Variants in PLEK2 observed in about 807,000 individuals in gnomAD.
PLEK2 encodes pleckstrin 2, also known as pleckstrin-2.
A neutral mutation model predicts 43.8 loss-of-function variants in PLEK2; 29 were observed. The ratio of observed to expected loss-of-function variants is 0.66; its 90% CI spans 0.49 to 0.90. The LOEUF (loss-of-function observed/expected upper bound fraction) is 0.90, where lower values mean the gene tolerates loss of function less well. PLEK2 is among the 40% of genes least tolerant of loss of function. The pLI, the probability that PLEK2 is intolerant of heterozygous loss-of-function variation, is 0.00. For synonymous variants in PLEK2, 162 were observed against 173.2 expected (o/e 0.94, Z 0.51); for missense variants, 398 against 448.1 (o/e 0.89, Z 1.01).
At chr14:67,389,760 T>A (rs1264311751) in intron 7 of PLEK2, among the ~76,000 whole-genome samples, 1 of 150,706 alleles carries the variant, frequency 6.6e-6, no homozygotes, top group Non-Finnish European at 1.5e-5. Context: ...AATACAAAAC[T>A]AAAGTGTTTT....
chr14:67,405,820 A>C (rs973664232), intron 1 of PLEK2, among the ~76,000 whole-genome samples: 1 of 152,208 alleles, frequency 6.6e-6, no homozygotes, highest in Non-Finnish European at 1.5e-5. Context: ...AGGTGAGCTC[A>C]GAATTGGACC....
chr14:67,393,074 G>T lies in PLEK2; in HGVS notation c.481+76C>A. The T allele has an allele frequency of 3.4e-6, 4 of 1,190,168 alleles. No homozygotes were observed. In the African/African-American group the frequency reaches 6.0e-5, roughly 18 times the overall value. The allele number at this position is 1,190,168 out of a possible 1,614,324, so 73.7% of individuals were successfully genotyped here. ...GCAGCTCTGACCTCAATACAGGGCG[G>T]TCAAGCACACAGCTGAGCCCTGCAT... On this transcript the variant is annotated intron_variant, in intron 4 of 8. Transcript: ENST00000216446.
At position 67,397,731 on chromosome 14, in the gene PLEK2, AGGGGTCAC is replaced by A. The variant is rs761148745; in HGVS notation, c.130_137del (p.Val44SerfsTer20). On this transcript the variant is annotated frameshift_variant, in exon 2 of 9. Transcript: ENST00000216446. LOFTEE classifies it high-confidence loss of function. ...CATCCAGGAGGATCCGGCCCTTGGG[AGGGGTCAC>A]TCTCCGACCCCCCTCAAGCTTGTAG... 13 of 1,613,126 alleles carry A rather than the reference AGGGGTCAC, an allele frequency of 8.1e-6. No individual in the cohort carries two copies. The highest frequency in any genetic ancestry group is 8.5e-6 in the Non-Finnish European group (10 of 1,179,614).
intron 3 of PLEK2, 45 bp downstream of exon 3, chr14:67,395,357 C>T: frequency 6.4e-7 from 1 of 1,571,600 alleles, no homozygotes; most frequent in Non-Finnish European, 8.7e-7. Context: ...CCACCCAACA[C>T]AGGCAGGAGA....
intron 1 of PLEK2, 60 bp from the exon 2 acceptor site, chr14:67,397,886 G>C: frequency 7.1e-7 from 1 of 1,416,594 alleles, no homozygotes; most frequent in East Asian, 2.4e-5. Context: ...TGGTGTTCAG[G>C]GAGGGGGTGT....
At chr14:67,399,046 G>A (rs1346101302) in intron 1 of PLEK2, among the ~76,000 whole-genome samples, 1 of 152,218 alleles carries the variant, frequency 6.6e-6, no homozygotes, top group African/African-American at 2.4e-5. Context: ...ACCTGCATCT[G>A]CTTTTTTTCC....
chr14:67,401,131 T>A (rs1185540230), intron 1 of PLEK2, among the ~76,000 whole-genome samples: 1 of 152,024 alleles, frequency 6.6e-6, no homozygotes, highest in African/African-American at 2.4e-5. Flanking sequence ...AAAGAGGGAA[T>A]TAAATTAAAA....
At chr14:67,409,611 C>T (rs2086103717) in intron 1 of PLEK2, among the ~76,000 whole-genome samples, 1 of 152,168 alleles carries the variant, frequency 6.6e-6, no homozygotes, top group Admixed American at 6.5e-5. Flanking sequence ...ACTCCCCTGA[C>T]AGCCAGGCCC....
chr14:67,392,015 G>T (rs936517158), intron 6 of PLEK2, among the ~76,000 whole-genome samples: 1 of 152,204 alleles, frequency 6.6e-6, no homozygotes, highest in Non-Finnish European at 1.5e-5. Context: ...GTCAGCAAAA[G>T]CTTCCAAGAC....
intron 5 of PLEK2, 91 bp downstream of exon 5, chr14:67,392,568 TCTC>T: frequency 7.8e-7 from 1 of 1,284,256 alleles, no homozygotes; most frequent in South Asian, 1.3e-5. Flanking sequence ...AAGCCCAAGG[TCTC>T]CTCCCATGAC....
intron 1 of PLEK2, among the ~76,000 whole-genome samples, chr14:67,406,868 A>G (rs1243239261): frequency 6.6e-6 from 1 of 152,216 alleles, no homozygotes; most frequent in African/African-American, 2.4e-5. Context: ...ATGCTGAAGA[A>G]GAACCCAGGC....
In PLEK2 at chr14:67,397,747, C is replaced by T; in HGVS notation, c.122G>A (p.Gly41Asp). 6.2e-7 allele frequency: 1 copy of T among 1,612,948 alleles called. No homozygotes were observed. Among genetic ancestry groups the T allele is most frequent in the Non-Finnish European group, 8.5e-7 (1 of 1,179,320 alleles). The change falls in exon 2 of 9, where the codon GGT becomes GAT. Residue 41 changes from glycine (G) to aspartate (D), a missense_variant. Transcript: ENST00000216446. Reference protein sequence around the residue: ...NTLVYYKLEGGRRVTPPKGRI... With the variant: ...NTLVYYKLEGDRRVTPPKGRI... ...GCCCTTGGGAGGGGTCACTCTCCGA[C>T]CCCCCTCAAGCTTGTAGTACACCAG...
intron 2 of PLEK2, 43 bp from the exon 3 acceptor site, chr14:67,395,626 C>T: frequency 7.0e-6 from 11 of 1,581,202 alleles, no homozygotes; most frequent in Non-Finnish European, 8.7e-6. Flanking sequence ...TCAGGCAGAG[C>T]AAGAGGACGC....
At chr14:67,406,787 A>T (rs142633558) in intron 1 of PLEK2, among the ~76,000 whole-genome samples, 52 of 152,302 alleles carry the variant, frequency 3.4e-4, no homozygotes, top group Non-Finnish European at 7.2e-4. Flanking sequence ...AAACCACACC[A>T]TGCACAGAGG....
chr14:67,399,793 T>C (rs970190202), intron 1 of PLEK2, among the ~76,000 whole-genome samples: 2 of 152,150 alleles, frequency 1.3e-5, no homozygotes, highest in African/African-American at 4.8e-5. Context: ...GTAGAGCCAA[T>C]GGGCAGAATA....
chr14:67,408,386 T>G (rs951180535), intron 1 of PLEK2, among the ~76,000 whole-genome samples: 1 of 151,246 alleles, frequency 6.6e-6, no homozygotes, highest in Non-Finnish European at 1.5e-5. Context: ...GGGATGATAC[T>G]TGCTATGGGT....
rs751003061 is a variant in PLEK2, at chr14:67,393,130, G to A, written c.481+20C>T. The A allele has an allele frequency of 1.3e-6, 2 of 1,560,114 alleles. No individual in the cohort carries two copies. The highest frequency in any genetic ancestry group is 2.2e-5 in the South Asian group (2 of 90,064). The stretch of plus-strand genomic sequence containing the variant: ...TGTCCCAGCTTGACTGCCCAGCCCG[G>A]CCCTGGGGGACAGGCTCACCGAGGA... On this transcript the variant is annotated intron_variant, in intron 4 of 8. Coordinates refer to ENST00000216446, the MANE Select transcript of PLEK2 (RefSeq NM_016445.3).
At chr14:67,405,224 C>CA (rs770594121) in intron 1 of PLEK2, among the ~76,000 whole-genome samples, 1,878 of 39,322 alleles carry the variant, frequency 0.048, 102 homozygotes, top group African/African-American at 0.13. Flanking sequence ...GAGTCCATCT[C>CA]AAAAAAAAAA....
At chr14:67,404,692 C>T (rs933565953) in intron 1 of PLEK2, among the ~76,000 whole-genome samples, 2 of 151,730 alleles carry the variant, frequency 1.3e-5, no homozygotes, top group African/African-American at 4.8e-5. Flanking sequence ...CACCTGTGGT[C>T]CCAGCCACTC....
Sources: gnomAD v4.1 joint callset for allele counts (sites outside exome capture counted in the v4.1 genomes callset) on GRCh38, gnomAD v4.1.1 for gene constraint, MANE v1.5 for transcripts, NCBI Gene and HGNC (gene_info 2026-07-23, HGNC 2026-07-21) for gene names.